Variants in DNMT1 observed in about 807,000 individuals in gnomAD.
The protein encoded by DNMT1 is DNA methyltransferase 1, also known as DNA (cytosine-5)-methyltransferase 1.
A neutral mutation model predicts 205.3 loss-of-function variants in DNMT1; 24 were observed. The ratio of observed to expected loss-of-function variants is 0.12; its 90% CI spans 0.08 to 0.16. The LOEUF (loss-of-function observed/expected upper bound fraction) is 0.16. Among genes scored for constraint, DNMT1 ranks in the 10% least tolerant of loss-of-function variants. The pLI is 1.00. For synonymous variants in DNMT1, 817 were observed against 839.8 expected, an observed-to-expected ratio of 0.97 and a Z score of 0.47; for missense variants, 1,293 against 2,177.7, an observed-to-expected ratio of 0.59 and a Z score of 8.09.
At chr19:10,167,859 T>G (rs1045345229) in intron 10 of DNMT1, among the ~76,000 whole-genome samples, 1 of 151,918 alleles carries the variant, frequency 6.6e-6, no homozygotes. Context: ...CGAAGCTAAC[T>G]TCACCCCGTA....
At chr19:10,141,859 G>T in intron 30 of DNMT1, 169 bp downstream of exon 30, 1 of 722,906 alleles carries the variant, frequency 1.4e-6, no homozygotes, top group Non-Finnish European at 2.2e-6. Flanking sequence ...GGAGAACCCT[G>T]CTCAGACCCC....
chr19:10,138,047 AC>A lies in DNMT1; in HGVS notation c.4116-39del. On this transcript the variant is annotated intron_variant, in intron 35 of 40. Transcript: ENST00000359526. This position sits in a 1 kb window ranked among gnomAD's most constrained non-coding sequence, Gnocchi z 4.1. ...AGGAGGTCAACACCTCTGGAGATGCACGCAGCAGCTGTCCCCTCATCACAGG... is the reference window on the plus strand; with the variant it reads ...AGGAGGTCAACACCTCTGGAGATGCAGCAGCAGCTGTCCCCTCATCACAGG... The A allele has an allele frequency of 6.3e-7, 1 of 1,590,946 alleles. No homozygotes were observed. Among genetic ancestry groups the A allele is most frequent in the Non-Finnish European group, 8.6e-7 (1 of 1,168,774 alleles).
In DNMT1 at chr19:10,149,885, T is replaced by C. The variant is rs757830475; in HGVS notation, c.2349A>G (p.Pro783=). The change falls in exon 25 of 41, where the codon CCA becomes CCG. Residue 783 remains proline, a synonymous_variant. Transcript: ENST00000359526. ...GATACAGCGGTTTTGAGGAATCATC[T>C]GGAATAACAGAGACACAGTCCCCCA... The part of the protein sequence containing the change: ...LEVGDCVSVI[P]DDSSKPLYLA... 1 of 1,614,246 alleles carries C rather than the reference T, an allele frequency of 6.2e-7. No individual in the cohort carries two copies. Among genetic ancestry groups the C allele is most frequent in the Admixed American group, 1.7e-5 (1 of 60,024 alleles).
In DNMT1 at chr19:10,159,255, G is replaced by A. The variant is rs531800549; in HGVS notation, c.1280+403C>T. Among the ~76,000 whole-genome samples the A allele has an allele frequency of 6.5e-4, 99 of 152,250 alleles. No individual in the cohort carries two copies. Among genetic ancestry groups the A allele is most frequent in the Non-Finnish European group, 1.0e-3 (68 of 68,010 alleles). On this transcript the variant is annotated intron_variant, in intron 17 of 40. Transcript: ENST00000359526. The surrounding 1 kb of genome is among the most constrained non-coding windows in gnomAD (Gnocchi z 5.0). ...CTTTGAGACGGAGTCTTGCTCTGTC[G>A]CCCAGGCTGGAATGCAGTGGCACCA...
In DNMT1 at chr19:10,140,003, C is replaced by A. The variant is rs751915082; in HGVS notation, c.3806+43G>T. On this transcript the variant is annotated intron_variant, in intron 33 of 40. Transcript: ENST00000359526. The surrounding 1 kb of genome is among the most constrained non-coding windows in gnomAD (Gnocchi z 8.4). ...TGACCACTGCTGACATGCGGCACAGCCCCGGGCCGTCTGGCAACACTGGGG... is the reference window on the plus strand; with the variant it reads ...TGACCACTGCTGACATGCGGCACAGACCCGGGCCGTCTGGCAACACTGGGG... 6.2e-7 allele frequency: 1 copy of A among 1,602,340 alleles called. No individual in the cohort carries two copies. The highest frequency in any genetic ancestry group is 1.7e-5 in the Admixed American group (1 of 60,024).
chr19:10,148,865 G>C lies in DNMT1; in HGVS notation c.2720+19C>G, dbSNP rs948148785. 6.2e-7 allele frequency: 1 copy of C among 1,614,136 alleles called. No homozygotes were observed. The highest frequency in any genetic ancestry group is 8.5e-7 in the Non-Finnish European group (1 of 1,179,992). ...GGCTGAAAGTGCCTGCTGACCCCGA[G>C]TCCAGCCCCAGTGCTCACTTGAACT... On this transcript the variant is annotated intron_variant, in intron 27 of 40. Coordinates refer to ENST00000359526, the MANE Select transcript of DNMT1 (RefSeq NM_001130823.3).
Position 10,134,244 on chromosome 19 carries a change from A to G in DNMT1, c.4837T>C (p.Leu1613=). ...GAGGCACTCTCTCGGGCTTTGGCCA[A>G]CATACAAAGCTTGATCTCCAAGCCA... ...AIGLEIKLCM[L]AKARESASAK... is the part of the protein sequence containing the mutation. Residue 1613 remains leucine (L), a synonymous_variant, in exon 40 of 41, where the codon TTG becomes CTG. Coordinates refer to ENST00000359526, the MANE Select transcript of DNMT1 (RefSeq NM_001130823.3). 6.2e-7 allele frequency: 1 copy of G among 1,614,190 alleles called. No homozygotes were observed. Among genetic ancestry groups the G allele is most frequent in the African/African-American group, 1.3e-5 (1 of 75,070 alleles).
At position 10,140,318 on chromosome 19, in the gene DNMT1, G is replaced by T. The variant is rs1345421531; in HGVS notation, c.3534C>A (p.Asp1178Glu). The change falls in exon 33 of 41, where the codon GAC becomes GAA. Residue 1178 changes from aspartate (D) to glutamate (E), a missense_variant. Transcript: ENST00000359526. The surrounding 1 kb of genome is among the most constrained non-coding windows in gnomAD (Gnocchi z 8.4). ...SEGFHQAGIS[D>E]TLWAIEMWDP... ...CCCACATCTCGATGGCCCACAGCGT[G>T]TCAGAGATGCCTGGCAGATCAAGCA... The T allele has an allele frequency of 2.5e-6, 4 of 1,613,664 alleles. No individual in the cohort carries two copies. Among genetic ancestry groups the T allele is most frequent in the Admixed American group, 1.7e-5 (1 of 59,996 alleles).
At chr19:10,183,129 T>A (rs570091906) in intron 1 of DNMT1, among the ~76,000 whole-genome samples, 2,058 of 117,220 alleles carry the variant, frequency 0.018, 54 homozygotes, top group African/African-American at 0.066. Context: ...ATATATATTT[T>A]TTTTTTTTGA....
rs1599361606 is a variant in DNMT1 at position 10,151,296 on chromosome 19, C to T, written c.2265+102G>A. The T allele has an allele frequency of 5.2e-6, 8 of 1,545,432 alleles. No homozygotes were observed. Among genetic ancestry groups the T allele is most frequent in the East Asian group, 4.5e-5 (2 of 44,610 alleles). On this transcript the variant is annotated intron_variant, in intron 24 of 40. Coordinates refer to ENST00000359526, the MANE Select transcript of DNMT1 (RefSeq NM_001130823.3). The surrounding 1 kb of genome is among the most constrained non-coding windows in gnomAD (Gnocchi z 5.0). ...GGCAAACAGACAGGTTTCTTAGTGC[C>T]GGGGCTCAGGCTGCCTGAGAGGTCA...
At position 10,138,634 on chromosome 19, in the gene DNMT1, C is replaced by A. The variant is rs753675495; in HGVS notation, c.3949-29G>T. 3.1e-6 allele frequency: 5 copies of A among 1,593,852 alleles called. No individual in the cohort carries two copies. Among genetic ancestry groups the A allele is most frequent in the Non-Finnish European group, 4.2e-6 (5 of 1,177,746 alleles). ...TGGGGGAGAAGGACGGACAACCCCA[C>A]CGTCAGTGGGACACTCCCAACTGGA... On this transcript the variant is annotated intron_variant, in intron 34 of 40. Transcript: ENST00000359526. This position sits in a 1 kb window ranked among gnomAD's most constrained non-coding sequence, Gnocchi z 4.1.
At chr19:10,189,911 C>G (rs116470150) in intron 1 of DNMT1, among the ~76,000 whole-genome samples, 1 of 152,218 alleles carries the variant, frequency 6.6e-6, no homozygotes, top group South Asian at 2.1e-4. Flanking sequence ...CTGATAAGCT[C>G]AGTCTTCCTA....
intron 1 of DNMT1, among the ~76,000 whole-genome samples, chr19:10,191,873 C>T (rs1458737588): frequency 6.6e-6 from 1 of 151,874 alleles, no homozygotes; most frequent in Non-Finnish European, 1.5e-5. Flanking sequence ...AGTTTCGCTC[C>T]TGTTGCCCAG....
intron 14 of DNMT1, 37 bp downstream of exon 14, chr19:10,160,347 C>A: frequency 6.2e-7 from 1 of 1,613,574 alleles, no homozygotes; most frequent in South Asian, 1.1e-5. Flanking sequence ...TTTAACATTA[C>A]CATCTGCTTT....
chr19:10,140,757 G>C lies in DNMT1; in HGVS notation c.3523+24C>G, dbSNP rs747397211. ...CCGGTCTGGGCTCACCAGGTATTCA[G>C]AGATGGAGCCTACGGGCGCTCACCT... is the stretch of plus-strand genomic sequence containing the variant. On this transcript the variant is annotated intron_variant, in intron 32 of 40. Transcript: ENST00000359526. The surrounding 1 kb of genome is among the most constrained non-coding windows in gnomAD (Gnocchi z 8.4). The C allele has an allele frequency of 6.2e-7, 1 of 1,613,974 alleles. No individual in the cohort carries two copies. Among genetic ancestry groups the C allele is most frequent in the Admixed American group, 1.7e-5 (1 of 60,022 alleles).
chr19:10,152,343 G>T (rs2038365194), intron 22 of DNMT1, among the ~76,000 whole-genome samples: 1 of 151,248 alleles, frequency 6.6e-6, no homozygotes, highest in Non-Finnish European at 1.5e-5. Context: ...AGACTTTTAG[G>T]CTGGGCATGG....
In DNMT1 at chr19:10,151,318, G is replaced by A. The variant is rs1182084960; in HGVS notation, c.2265+80C>T. 16 of 1,591,068 alleles carry A rather than the reference G, an allele frequency of 1.0e-5. No homozygotes were observed. The highest frequency in any genetic ancestry group is 1.3e-5 in the Non-Finnish European group (15 of 1,172,962). ...TGCCGGGGCTCAGGCTGCCTGAGAGGTCAGGTTGGCGAGATACTAGAGGGC... is the reference window on the plus strand; with the variant it reads ...TGCCGGGGCTCAGGCTGCCTGAGAGATCAGGTTGGCGAGATACTAGAGGGC... On this transcript the variant is annotated intron_variant, in intron 24 of 40. Transcript: ENST00000359526. This position sits in a 1 kb window ranked among gnomAD's most constrained non-coding sequence, Gnocchi z 5.0.
intron 9 of DNMT1, among the ~76,000 whole-genome samples, chr19:10,171,548 G>A (rs559988930): frequency 1.3e-5 from 2 of 152,114 alleles, no homozygotes; most frequent in Non-Finnish European, 2.9e-5. Context: ...GTTCACGCCT[G>A]TAATCCCAGC....
chr19:10,185,286 G>T (rs910040144), intron 1 of DNMT1, among the ~76,000 whole-genome samples: 1 of 152,024 alleles, frequency 6.6e-6, no homozygotes, highest in South Asian at 2.1e-4. Flanking sequence ...TTAGCCAGGC[G>T]TGGTGGTGGG....
Sources: allele counts gnomAD v4.1 joint callset (sites outside exome capture counted in the v4.1 genomes callset), GRCh38; gene constraint gnomAD v4.1.1; non-coding constraint Gnocchi (gnomAD v3.1); transcripts MANE v1.5; gene names NCBI Gene and HGNC (gene_info 2026-07-23, HGNC 2026-07-21).